The following LSP1 variants were observed in gnomAD, a reference collection of about 807,000 sequenced individuals.
LSP1 encodes the protein lymphocyte-specific protein 1.
LSP1 carries 32 observed loss-of-function variants against 49.3 expected under a neutral mutation model. The observed-to-expected ratio is 0.65, with a 90% CI of 0.49 to 0.87. LSP1 has a LOEUF of 0.87. Among genes scored for constraint, LSP1 ranks in the 40% least tolerant of loss-of-function variants. The probability of loss-of-function intolerance (pLI) is 0.00; values close to 1 mark genes in which losing one functional copy is unlikely to be tolerated. For missense variants in LSP1, 428 were observed against 442.6 expected (o/e 0.97, Z 0.30); for synonymous variants, 179 against 178.8 (o/e 1.00, Z -0.01).
chr11:1,876,783 T>C, intron 1 of LSP1: 1 of 339,210 alleles, frequency 2.9e-6, no homozygotes, highest in Non-Finnish European at 4.2e-6. Context: ...TGCTTGGCAG[T>C]GGATGAGGCC....
intron 1 of LSP1, chr11:1,876,432 T>A (rs1410720878): frequency 1.0e-6 from 1 of 983,866 alleles, no homozygotes; most frequent in Non-Finnish European, 1.2e-6. Context: ...GAGGAGAAGC[T>A]CCCCCTCCCC....
intron 1 of LSP1, chr11:1,864,301 G>T: frequency 1.0e-6 from 1 of 971,164 alleles, no homozygotes; most frequent in Non-Finnish European, 1.2e-6. Flanking sequence ...GAACAGAGGA[G>T]GGCCCGGGCA....
intron 1 of LSP1, among the ~76,000 whole-genome samples, chr11:1,865,847 T>C (rs1278538964): frequency 2.0e-5 from 3 of 151,804 alleles, no homozygotes; most frequent in Non-Finnish European, 4.4e-5. Flanking sequence ...ATCATGAAAC[T>C]GAACTTTGGG....
rs548652941 is a variant in LSP1, at chr11:1,889,293, GT to G, written c.*13+1718del. 339 of 699,668 alleles carry G rather than the reference GT, an allele frequency of 4.8e-4. 10 individuals are homozygous for G. Among genetic ancestry groups the G allele is most frequent in the South Asian group, 4.8e-3 (317 of 66,184 alleles). The allele number at this position is 699,668 out of a possible 1,614,324, so 43.3% of individuals were successfully genotyped here. A position where few individuals can be genotyped will look rare whatever the true frequency, so the allele number is the denominator to read the frequency against. ...AGGCCGGTACAGGAAGGGCAGGCGG[GT>G]GAGGCTGGCTGGGGTGTGCTCCCCA... is the stretch of plus-strand genomic sequence containing the variant. On this transcript the variant is annotated intron_variant, in intron 10 of 10. Coordinates refer to ENST00000311604, the MANE Select transcript of LSP1 (RefSeq NM_002339.3).
intron 1 of LSP1, among the ~76,000 whole-genome samples, chr11:1,862,771 C>T (rs1425772570): frequency 5.0e-5 from 1 of 20,086 alleles, no homozygotes; most frequent in South Asian, 8.2e-4. Context: ...TCTCGCCTCC[C>T]CTGGGTGATC....
At chr11:1,865,093 G>T in intron 1 of LSP1, 3 of 565,404 alleles carry the variant, frequency 5.3e-6, no homozygotes, top group Non-Finnish European at 4.5e-6. Flanking sequence ...GCAGGGGTGC[G>T]GGAGGAGGGC....
rs558867326 is a variant in LSP1 at position 1,880,191 on chromosome 11, G to A, written c.158G>A (p.Gly53Asp). The A allele has an allele frequency of 2.4e-5, 38 of 1,601,822 alleles. No homozygotes were observed. In the South Asian group the frequency reaches 3.9e-4, roughly 16 times the overall value. The change falls in exon 2 of 11, where the codon GGC (glycine) becomes GAC (aspartate). Residue 53 changes from glycine to aspartate, a missense_variant. Coordinates refer to ENST00000311604, the MANE Select transcript of LSP1 (RefSeq NM_002339.3). The stretch of plus-strand genomic sequence containing the variant: ...CAGGCCCAGGACGAGGAGGGAGGCG[G>A]CCATGTCCCCGAGCGGCCGAAGCAG... ...QLQAQDEEGG[G>D]HVPERPKQEM...
chr11:1,883,881 G>A (rs1478165352), intron 4 of LSP1, 51 bp from the exon 5 acceptor site: 1 of 1,513,594 alleles, frequency 6.6e-7, no homozygotes, highest in South Asian at 1.2e-5. Flanking sequence ...GGGCAGGGCA[G>A]GAGGGGCACA....
At chr11:1,861,971 A>T (rs1472930667) in intron 1 of LSP1, among the ~76,000 whole-genome samples, 3 of 150,860 alleles carry the variant, frequency 2.0e-5, no homozygotes, top group African/African-American at 7.3e-5. Flanking sequence ...AGATGGATGG[A>T]TGAATAGATG....
At chr11:1,871,466 G>C in intron 1 of LSP1, 1 of 986,288 alleles carries the variant, frequency 1.0e-6, no homozygotes, top group Non-Finnish European at 1.2e-6. Flanking sequence ...ACATCAAGCC[G>C]GTTCTGGACC....
At position 1,889,399 on chromosome 11, in the gene LSP1, G is replaced by A. The variant is rs537569079; in HGVS notation, c.*13+1823G>A. ...ACGGCATCCCACATCCTGGAGGTCC[G>A]GGAGGCGGGGGCCCGGGGTGCGGTG... is the stretch of plus-strand genomic sequence containing the variant. On this transcript the variant is annotated intron_variant, in intron 10 of 10. Transcript: ENST00000311604. 8.2e-5 allele frequency: 57 copies of A among 692,456 alleles called. 1 individual carries two copies. The African/African-American group carries it at 9.0e-4, about 11-fold the overall frequency. 42.9% of individuals were successfully genotyped at this position (692,456 alleles called of 1,614,324 possible). A position where few individuals can be genotyped will look rare whatever the true frequency, so the allele number is the denominator to read the frequency against.
chr11:1,868,790 C>T, intron 1 of LSP1: 2 of 985,818 alleles, frequency 2.0e-6, no homozygotes, highest in Non-Finnish European at 2.4e-6. Flanking sequence ...GGGCCAGAGC[C>T]CAGAGGACGG....
chr11:1,871,341 G>C, intron 1 of LSP1: 5 of 986,192 alleles, frequency 5.1e-6, no homozygotes, highest in Non-Finnish European at 6.0e-6. Context: ...TGGGGGCAGA[G>C]ATGTGAAACA....
At chr11:1,890,948 C>T (rs941326575) in intron 10 of LSP1, 14 of 212,354 alleles carry the variant, frequency 6.6e-5, no homozygotes, top group African/African-American at 1.3e-4. Context: ...GGGTGGGAGA[C>T]GGAGACGCGG....
intron 10 of LSP1, chr11:1,889,763 G>T: frequency 1.5e-6 from 1 of 650,236 alleles, no homozygotes. Context: ...CCAGCGAGCG[G>T]CAGGTCGGGG....
intron 1 of LSP1, chr11:1,868,892 A>C (rs2133074922): frequency 1.0e-6 from 1 of 985,858 alleles, no homozygotes; most frequent in Middle Eastern, 5.2e-4. Context: ...CGACCCCCAG[A>C]TGCCCCTGCT....
intron 1 of LSP1, among the ~76,000 whole-genome samples, chr11:1,871,775 CCAGCCCG>C: frequency 6.8e-6 from 1 of 146,778 alleles, no homozygotes; most frequent in Non-Finnish European, 1.5e-5. Context: ...TGTAGTCACC[CCAGCCCG>C]TGCTGGTAGA....
At chr11:1,868,994 G>C in intron 1 of LSP1, 1 of 986,412 alleles carries the variant, frequency 1.0e-6, no homozygotes, top group African/African-American at 1.7e-5. Flanking sequence ...GAGGTCGGTG[G>C]ACTGGGGTTA....
chr11:1,878,538 C>T (rs572809512), intron 1 of LSP1, among the ~76,000 whole-genome samples: 25 of 151,860 alleles, frequency 1.6e-4, no homozygotes, highest in Admixed American at 1.0e-3. Flanking sequence ...CCTGTGGCTT[C>T]GGTGGGGGGA....
Sources: allele counts gnomAD v4.1 joint callset (sites outside exome capture counted in the v4.1 genomes callset), GRCh38; gene constraint gnomAD v4.1.1; transcripts MANE v1.5; gene names NCBI Gene and HGNC (gene_info 2026-07-23, HGNC 2026-07-21).